COL5A3: variants seen among roughly 807,000 people sequenced by gnomAD.
COL5A3 encodes collagen type V alpha 3 chain.
Under a neutral mutation model 250.0 loss-of-function variants are expected in COL5A3, and 172 were observed. The ratio of observed to expected loss-of-function variants is 0.69; its 90% CI spans 0.61 to 0.78. The LOEUF (loss-of-function observed/expected upper bound fraction) is 0.78. Among genes scored for constraint, COL5A3 ranks in the 30% least tolerant of loss-of-function variants. The pLI is 0.00. For synonymous variants in COL5A3, 937 were observed against 900.4 expected, an observed-to-expected ratio of 1.04 and a Z score of -0.73; for missense variants, 2,340 against 2,334.4, an observed-to-expected ratio of 1.00 and a Z score of -0.05.
At chr19:10,002,000 C>T in intron 6 of COL5A3, 119 bp from the exon 7 acceptor site, 2 of 681,838 alleles carry the variant, frequency 2.9e-6, no homozygotes, top group East Asian at 2.7e-5. Flanking sequence ...AGGAGGCTCC[C>T]CAAAGAGCAC....
At position 9,974,423 on chromosome 19, in the gene COL5A3, A is replaced by C; in HGVS notation, c.3343-15T>G. 1.3e-6 allele frequency: 2 copies of C among 1,553,310 alleles called. No homozygotes were observed. The highest frequency in any genetic ancestry group is 1.7e-6 in the Non-Finnish European group (2 of 1,148,584). On this transcript the variant is annotated splice_polypyrimidine_tract_variant and intron_variant, in intron 45 of 66. Transcript: ENST00000264828. ...CCGTCTGCTCCCTGGAAGAACACAA[A>C]CAGGGGCACATTTAAGGTCTGGGTC...
chr19:9,985,577 G>C (rs1258642957), intron 31 of COL5A3, among the ~76,000 whole-genome samples: 1 of 151,910 alleles, frequency 6.6e-6, no homozygotes, highest in Non-Finnish European at 1.5e-5. Flanking sequence ...GCTAATTTTT[G>C]TATGTTTTCA....
At position 9,983,421 on chromosome 19, in the gene COL5A3, C is replaced by A. The variant is rs186240879; in HGVS notation, c.2407-1303G>T. Among the ~76,000 whole-genome samples the A allele has an allele frequency of 6.6e-5, 10 of 151,706 alleles. No individual in the cohort carries two copies. The East Asian group carries it at 2.0e-3, about 30-fold the overall frequency. On this transcript the variant is annotated intron_variant, in intron 31 of 66. Transcript: ENST00000264828. ...GCTGAGGCAGGAGGACTGCTTGAGT[C>A]CAAGAATTGGGGGCTGTAATAAGCT...
Position 9,989,162 on chromosome 19 carries a change from C to A in COL5A3, c.2107G>T (p.Ala703Ser). ...GGTCCAGGATAGCCCGGAGGGCCTG[C>A]CGACCCTGGTGGACCCTGGGAGGAA... The part of the protein sequence containing the change: ...EKGAQGPPGS[A>S]GPPGYPGPRG... Residue 703 changes from alanine (A) to serine (S), a missense_variant, in exon 27 of 67, where the codon GCA becomes TCA. By Grantham distance (99) the Ala-to-Ser change is moderately conservative. Transcript: ENST00000264828. 1 of 1,614,218 alleles carries A rather than the reference C, an allele frequency of 6.2e-7. No individual in the cohort carries two copies. The highest frequency in any genetic ancestry group is 8.5e-7 in the Non-Finnish European group (1 of 1,180,036).
intron 6 of COL5A3, among the ~76,000 whole-genome samples, chr19:10,002,280 G>A (rs911582297): frequency 6.6e-6 from 1 of 151,684 alleles, no homozygotes; most frequent in South Asian, 2.1e-4. Flanking sequence ...GGTGGGGGTT[G>A]GGGGGGTGTG....
intron 44 of COL5A3, 108 bp from the exon 45 acceptor site, chr19:9,976,719 C>T (rs1440462651): frequency 1.2e-6 from 1 of 803,034 alleles, no homozygotes; most frequent in Non-Finnish European, 2.0e-6. Flanking sequence ...GAACAACTTC[C>T]CCTACCAGGC....
intron 36 of COL5A3, 37 bp downstream of exon 36, chr19:9,979,957 C>T (rs898361945): frequency 7.6e-6 from 12 of 1,576,628 alleles, no homozygotes; most frequent in African/African-American, 2.8e-5. Context: ...CCACATCCTC[C>T]ACCCACCCAA....
chr19:9,992,978 C>T, intron 20 of COL5A3, 45 bp downstream of exon 20: 3 of 1,609,828 alleles, frequency 1.9e-6, no homozygotes, highest in Non-Finnish European at 2.5e-6. Context: ...GTCCTGACTC[C>T]CTCCCCTGCA....
At chr19:9,963,283 C>T (rs1432898683) in intron 64 of COL5A3, among the ~76,000 whole-genome samples, 1 of 152,042 alleles carries the variant, frequency 6.6e-6, no homozygotes, top group Non-Finnish European at 1.5e-5. Flanking sequence ...AGTGCAGTGA[C>T]ATAATCATAG....
At chr19:9,985,976 G>T in intron 30 of COL5A3, 81 bp from the exon 31 acceptor site, 1 of 1,229,686 alleles carries the variant, frequency 8.1e-7, no homozygotes, top group Non-Finnish European at 1.2e-6. Context: ...CTGGGGCATG[G>T]TGAATGGGCT....
chr19:9,970,079 TGAGTGGGG>T (rs2086809130), intron 54 of COL5A3, among the ~76,000 whole-genome samples, 157 bp from the exon 55 acceptor site: 1 of 16,900 alleles, frequency 5.9e-5, no homozygotes. Flanking sequence ...GGGCTGTGGG[TGAGTGGGG>T]GCTGTGGCTG....
chr19:9,986,294 A>G (rs375422278), intron 30 of COL5A3, 21 bp downstream of exon 30: 15 of 1,456,484 alleles, frequency 1.0e-5, no homozygotes, highest in Admixed American at 6.3e-5. Flanking sequence ...GTGGGAGGCT[A>G]GAGGGTGGAG....
chr19:9,978,790 A>G, intron 40 of COL5A3, 101 bp downstream of exon 40: 2 of 1,026,466 alleles, frequency 1.9e-6, no homozygotes, highest in East Asian at 3.0e-5. Context: ...TTTTGCTTTC[A>G]TCATTTCCCG....
chr19:9,970,320 G>GA (rs1196316543), intron 54 of COL5A3, among the ~76,000 whole-genome samples: 3 of 128,846 alleles, frequency 2.3e-5, no homozygotes, highest in Non-Finnish European at 3.4e-5. Context: ...GGAATCTGTG[G>GA]GTGAGTGGGG....
At chr19:9,979,743 C>G in intron 37 of COL5A3, 96 bp downstream of exon 37, 1 of 1,180,368 alleles carries the variant, frequency 8.5e-7, no homozygotes, top group Non-Finnish European at 1.2e-6. Context: ...CCGAGATTGC[C>G]CCACTGCACT....
At position 9,968,334 on chromosome 19, in the gene COL5A3, A is replaced by T; in HGVS notation, c.4314+51T>A. ...CAGACCCCACACCCACAGTCTCTCAACCGACCCCCTCCTTCAAATGCATTC... is the reference window on the plus strand; with the variant it reads ...CAGACCCCACACCCACAGTCTCTCATCCGACCCCCTCCTTCAAATGCATTC... On this transcript the variant is annotated intron_variant, in intron 59 of 66. Coordinates refer to ENST00000264828, the MANE Select transcript of COL5A3 (RefSeq NM_015719.4). This position sits in a 1 kb window ranked among gnomAD's most constrained non-coding sequence, Gnocchi z 4.1. 1 of 1,436,162 alleles carries T rather than the reference A, an allele frequency of 7.0e-7. No homozygotes were observed. The highest frequency in any genetic ancestry group is 9.7e-7 in the Non-Finnish European group (1 of 1,032,868). The allele number at this position is 1,436,162 out of a possible 1,614,324, so 89.0% of individuals were successfully genotyped here.
In COL5A3 at chr19:9,989,410, A is replaced by G. The variant is rs757398565; in HGVS notation, c.2047-44T>C. 13 of 1,613,796 alleles carry G rather than the reference A, an allele frequency of 8.1e-6. No individual in the cohort carries two copies. In the African/African-American group the frequency reaches 1.2e-4, roughly 15 times the overall value. On this transcript the variant is annotated intron_variant, in intron 25 of 66. Coordinates refer to ENST00000264828, the MANE Select transcript of COL5A3 (RefSeq NM_015719.4). ...CAGTTGTCAGAGACCAAAACTTGCC[A>G]TTCCAATTCCCAAGGCTCCCCTTTC...
In COL5A3 at chr19:9,973,926, C is replaced by G; in HGVS notation, c.3551G>C (p.Gly1184Ala). 3 of 1,565,878 alleles carry G rather than the reference C, an allele frequency of 1.9e-6. No homozygotes were observed. In the South Asian group the frequency reaches 3.6e-5, roughly 19 times the overall value. The change falls in exon 48 of 67, where the codon GGA (glycine) becomes GCA (alanine). Residue 1184 changes from glycine (G) to alanine (A), a missense_variant. By Grantham distance (60) the Gly-to-Ala change is moderately conservative. This residue lies in a region of COL5A3 where 1,179 missense variants were observed against 1,162.6 expected (regional missense o/e 1.01). Coordinates refer to ENST00000264828, the MANE Select transcript of COL5A3 (RefSeq NM_015719.4). ...PGPRGPQGPT[G>A]SEGTPGLPGG... ...CCCCCCAAGAGTTCTCACCTCTGATCCAGTGGGGCCTTGGGGACCCCGAGG... is the reference window on the plus strand; with the variant it reads ...CCCCCCAAGAGTTCTCACCTCTGATGCAGTGGGGCCTTGGGGACCCCGAGG...
chr19:9,977,706 G>C lies in COL5A3; in HGVS notation c.3019-5C>G, dbSNP rs777815622. 1 of 1,563,608 alleles carries C rather than the reference G, an allele frequency of 6.4e-7. No homozygotes were observed. The highest frequency in any genetic ancestry group is 8.6e-7 in the Non-Finnish European group (1 of 1,156,480). On this transcript the variant is annotated splice_polypyrimidine_tract_variant and splice_region_variant and intron_variant, in intron 41 of 66. Coordinates refer to ENST00000264828, the MANE Select transcript of COL5A3 (RefSeq NM_015719.4). ...ACCGCGCTCACCAGGGGAGCCCTGA[G>C]AACAGGGGTGATGAATCAGGTATAA...
Sources: allele counts gnomAD v4.1 joint callset (sites outside exome capture counted in the v4.1 genomes callset), GRCh38; gene constraint gnomAD v4.1.1; regional missense constraint gnomAD v4.1.1; non-coding constraint Gnocchi (gnomAD v3.1); transcripts MANE v1.5; gene names NCBI Gene and HGNC (gene_info 2026-07-23, HGNC 2026-07-21).